PBX1: variants seen among roughly 807,000 people sequenced by gnomAD.
PBX1 encodes the protein pre-B-cell leukemia transcription factor 1.
Under a neutral mutation model 53.4 loss-of-function variants are expected in PBX1, and 6 were observed. The observed-to-expected ratio is 0.11, with a 90% confidence interval of 0.06 to 0.22. The LOEUF (loss-of-function observed/expected upper bound fraction) is 0.22. Among genes scored for constraint, PBX1 ranks in the 10% least tolerant of loss-of-function variants. The probability of loss-of-function intolerance (pLI) is 1.00; values close to 1 mark genes in which losing one functional copy is unlikely to be tolerated. For synonymous variants in PBX1, 204 were observed against 212.3 expected (o/e 0.96, Z 0.34); for missense variants, 251 against 551.4 (o/e 0.46, Z 5.46).
intron 2 of PBX1, among the ~76,000 whole-genome samples, chr1:164,869,423 G>A (rs773707605): frequency 6.6e-6 from 1 of 152,230 alleles, no homozygotes; most frequent in African/African-American, 2.4e-5. Flanking sequence ...TAGAAGAGAT[G>A]TGAGGACAAA....
At chr1:164,745,654 CAGCTACAGGCTGGGCTA>C (rs1442823123) in intron 2 of PBX1, among the ~76,000 whole-genome samples, 1 of 152,148 alleles carries the variant, frequency 6.6e-6, no homozygotes, top group East Asian at 1.9e-4. Context: ...CCTAGTCAAC[CAGCTACAGGCTGGGCTA>C]AAGCTTCTAA....
intron 6 of PBX1, chr1:164,817,017 C>T (rs377151434): frequency 3.3e-5 from 5 of 152,130 alleles, no homozygotes; most frequent in African/African-American, 1.2e-4. Flanking sequence ...AGTATTTCTT[C>T]TCTGCCTAGT....
At chr1:164,681,454 CTT>C (rs1392005478) in intron 2 of PBX1, among the ~76,000 whole-genome samples, 2 of 152,134 alleles carry the variant, frequency 1.3e-5, no homozygotes, top group East Asian at 1.9e-4. Flanking sequence ...AATCAATTGA[CTT>C]TTGATATATT....
intron 2 of PBX1, among the ~76,000 whole-genome samples, chr1:164,875,430 G>A (rs915146834): frequency 2.0e-5 from 3 of 152,100 alleles, no homozygotes; most frequent in African/African-American, 7.2e-5. Flanking sequence ...AGCCTCCCTT[G>A]TAGCTGGGAC....
chr1:164,710,131 A>G (rs1444233692), intron 2 of PBX1, among the ~76,000 whole-genome samples: 1 of 152,214 alleles, frequency 6.6e-6, no homozygotes, highest in South Asian at 2.1e-4. Flanking sequence ...GTGTTCAGTG[A>G]GTATTACCTA....
chr1:164,825,470 A>G (rs1383174779), intron 8 of PBX1, among the ~76,000 whole-genome samples: 3 of 152,254 alleles, frequency 2.0e-5, no homozygotes, highest in African/African-American at 7.2e-5. Context: ...AAAAGATGCT[A>G]CTAAATTAAA....
intron 2 of PBX1, among the ~76,000 whole-genome samples, chr1:164,649,913 CTT>C (rs1433664879): frequency 1.3e-5 from 2 of 152,006 alleles, no homozygotes; most frequent in African/African-American, 4.8e-5. Flanking sequence ...TCTTTGAAAA[CTT>C]TGCTTGAGAA....
At chr1:164,815,073 T>G (rs910344824) in intron 6 of PBX1, 4 of 152,136 alleles carry the variant, frequency 2.6e-5, no homozygotes, top group Admixed American at 2.0e-4. Context: ...AAAGCAAGAA[T>G]AGGGGCCAGT....
chr1:164,618,297 CGGGG>C (rs141131624), intron 2 of PBX1, among the ~76,000 whole-genome samples: 1,193 of 18,112 alleles, frequency 0.066, 38 homozygotes, highest in African/African-American at 0.2. Context: ...ATAATCACGG[CGGGG>C]GGGGGGGGGC....
intron 1 of PBX1, among the ~76,000 whole-genome samples, chr1:164,562,335 C>T (rs577149064): frequency 6.6e-5 from 10 of 152,198 alleles, no homozygotes; most frequent in Non-Finnish European, 4.4e-5. Context: ...ACAGAATTCA[C>T]TTAACTAATA....
At chr1:164,628,357 A>G (rs1658184094) in intron 2 of PBX1, among the ~76,000 whole-genome samples, 2 of 152,150 alleles carry the variant, frequency 1.3e-5, no homozygotes, top group African/African-American at 4.8e-5. Flanking sequence ...CTGGGTTGCA[A>G]TGGTCTCTTT....
Position 164,846,570 on chromosome 1 carries a change from T to C in PBX1, c.1201-14T>C. The C allele has an allele frequency of 1.2e-6, 2 of 1,607,906 alleles. No individual in the cohort carries two copies. The highest frequency in any genetic ancestry group is 1.7e-6 in the Non-Finnish European group (2 of 1,174,458). The stretch of plus-strand genomic sequence containing the variant: ...ATCTCAGAGGACTGACTTCTCTCCC[T>C]TTTTCCCTTCTAGGCTAATGGAGGT... On this transcript the variant is annotated splice_polypyrimidine_tract_variant and intron_variant, in intron 8 of 8. Coordinates refer to ENST00000420696, the MANE Select transcript of PBX1 (RefSeq NM_002585.4).
intron 2 of PBX1, among the ~76,000 whole-genome samples, chr1:164,735,656 A>G (rs1312499111): frequency 6.6e-6 from 1 of 152,130 alleles, no homozygotes; most frequent in Non-Finnish European, 1.5e-5. Context: ...GACTAGAGAG[A>G]CCCATCAAGG....
At chr1:164,560,657 T>A (rs1490019075) in intron 1 of PBX1, among the ~76,000 whole-genome samples, 15 of 152,340 alleles carry the variant, frequency 9.8e-5, no homozygotes, top group South Asian at 2.1e-4. Flanking sequence ...TTTGTTTTTT[T>A]AAAAAGTTGA....
rs1218548873 is a variant in PBX1 at position 164,849,463 on chromosome 1, A to C, written c.*2787A>C. Reference sequence around the variant, plus strand: ...AGAGCAGCAGGATGGGTTTGGAAAGAGCATGCCTCTGGAAACACAGCTTCC... The same window carrying C: ...AGAGCAGCAGGATGGGTTTGGAAAGCGCATGCCTCTGGAAACACAGCTTCC... On this transcript the variant is annotated 3_prime_UTR_variant, in exon 9 of 9. Coordinates refer to ENST00000420696, the MANE Select transcript of PBX1 (RefSeq NM_002585.4). The C allele has an allele frequency of 3.3e-6, 5 of 1,534,342 alleles. No homozygotes were observed. Among genetic ancestry groups the C allele is most frequent in the Non-Finnish European group, 4.4e-6 (5 of 1,145,970 alleles).
chr1:164,591,291 C>T (rs573015849), intron 2 of PBX1, among the ~76,000 whole-genome samples: 11 of 152,260 alleles, frequency 7.2e-5, no homozygotes, highest in Admixed American at 5.9e-4. Flanking sequence ...GGATTACAGG[C>T]GTCAGCCACC....
chr1:164,809,945 G>A (rs1669527142), intron 5 of PBX1, among the ~76,000 whole-genome samples: 2 of 152,148 alleles, frequency 1.3e-5, no homozygotes, highest in Non-Finnish European at 2.9e-5. Flanking sequence ...ATCTTTGAGG[G>A]TGAAATCTAT....
intron 2 of PBX1, among the ~76,000 whole-genome samples, chr1:164,672,665 C>T (rs549753201): frequency 6.6e-6 from 1 of 152,304 alleles, no homozygotes; most frequent in South Asian, 2.1e-4. Flanking sequence ...TATTCACCTC[C>T]TCTATTTGAA....
At chr1:164,726,566 A>C (rs893266548) in intron 2 of PBX1, among the ~76,000 whole-genome samples, 1 of 152,250 alleles carries the variant, frequency 6.6e-6, no homozygotes, top group African/African-American at 2.4e-5. Context: ...GGAATTTTAT[A>C]AAATTGTAAG....
Sources: allele counts gnomAD v4.1 joint callset (sites outside exome capture counted in the v4.1 genomes callset), GRCh38; gene constraint gnomAD v4.1.1; transcripts MANE v1.5; gene names NCBI Gene and HGNC (gene_info 2026-07-23, HGNC 2026-07-21).